CHST8: variants seen among roughly 807,000 people sequenced by gnomAD.
CHST8 encodes carbohydrate sulfotransferase 8, also known as GALNAC-4-ST1.
CHST8 carries 10 observed loss-of-function variants against 15.0 expected under a neutral mutation model. The observed-to-expected ratio is 0.67, with a 90% CI of 0.41 to 1.13. CHST8 has a LOEUF of 1.13. CHST8 is among the 50% of genes most tolerant of loss of function. The probability of loss-of-function intolerance (pLI) is 0.00; values close to 1 mark genes in which losing one functional copy is unlikely to be tolerated. For synonymous variants in CHST8, 259 were observed against 256.6 expected, an observed-to-expected ratio of 1.01 and a Z score of -0.09; for missense variants, 634 against 608.2, an observed-to-expected ratio of 1.04 and a Z score of -0.45.
At position 33,689,286 on chromosome 19, in the gene CHST8, C is replaced by T. The variant is rs750916127; in HGVS notation, c.25C>T (p.Arg9Trp). Residue 9 changes from arginine (R) to tryptophan (W), a missense_variant, in exon 3 of 5, where the codon CGG becomes TGG. By Grantham distance (101) the Arg-to-Trp change is moderately radical. Transcript: ENST00000650847. ...GATGACCCTGCGACCTGGAACAATG[C>T]GGCTGGCCTGCATGTTCTCTTCCAT... is the stretch of plus-strand genomic sequence containing the variant. MTLRPGTM[R>W]LACMFSSILL... is the part of the protein sequence containing the mutation. The T allele has an allele frequency of 8.7e-6, 14 of 1,604,340 alleles. No individual in the cohort carries two copies. The East Asian group carries it at 9.1e-5, about 10-fold the overall frequency.
At chr19:33,624,653 C>G (rs888791562) in intron 1 of CHST8, among the ~76,000 whole-genome samples, 1 of 152,308 alleles carries the variant, frequency 6.6e-6, no homozygotes, top group Admixed American at 6.5e-5. Context: ...CTTCAGTTCT[C>G]TTAAAAAGGG....
At chr19:33,636,754 A>T (rs1972209467) in intron 1 of CHST8, among the ~76,000 whole-genome samples, 1 of 152,136 alleles carries the variant, frequency 6.6e-6, no homozygotes, top group Non-Finnish European at 1.5e-5. Flanking sequence ...TACAAAAATT[A>T]GCCGGGCATG....
rs188902702 is a variant in CHST8, at chr19:33,643,527, G to A, written c.-164+21231G>A. ...TATTTCTAAATAACACACATATGCC[G>A]CAGGTGCGAAATGGCCAGCCAGTTG... On this transcript the variant is annotated intron_variant, in intron 1 of 4. Coordinates refer to ENST00000650847, the MANE Select transcript of CHST8 (RefSeq NM_001127895.2). 2.4e-4 allele frequency among the ~76,000 whole-genome samples: 36 copies of A among 152,272 alleles called. 1 individual carries two copies. Among genetic ancestry groups the A allele is most frequent in the African/African-American group, 8.4e-4 (35 of 41,548 alleles).
chr19:33,733,964 G>A (rs17227680), intron 3 of CHST8, among the ~76,000 whole-genome samples: 7,807 of 152,266 alleles, frequency 0.051, 290 homozygotes, highest in Non-Finnish European at 0.076. Context: ...AGCAGACAGC[G>A]GTGTCAGAGG....
At chr19:33,652,468 T>G (rs919658798) in intron 1 of CHST8, among the ~76,000 whole-genome samples, 1 of 148,824 alleles carries the variant, frequency 6.7e-6, no homozygotes, top group African/African-American at 2.5e-5. Flanking sequence ...CTCTGCCTCC[T>G]GGGTTCAAGC....
chr19:33,655,656 T>C (rs983678715), intron 1 of CHST8, among the ~76,000 whole-genome samples: 1 of 152,224 alleles, frequency 6.6e-6, no homozygotes, highest in African/African-American at 2.4e-5. Context: ...TAGACTATCA[T>C]ACATTTAATC....
At chr19:33,641,243 G>T (rs1972280067) in intron 1 of CHST8, among the ~76,000 whole-genome samples, 1 of 152,156 alleles carries the variant, frequency 6.6e-6, no homozygotes, top group Admixed American at 6.5e-5. Context: ...GGCTCTTAGG[G>T]ACTTACCTGT....
chr19:33,626,241 C>G (rs564212008), intron 1 of CHST8, among the ~76,000 whole-genome samples: 4 of 152,190 alleles, frequency 2.6e-5, no homozygotes, highest in African/African-American at 9.6e-5. Context: ...TTACCCTGTA[C>G]AAAACTACCT....
chr19:33,700,887 CA>C (rs2145277288), intron 3 of CHST8, among the ~76,000 whole-genome samples: 1 of 152,272 alleles, frequency 6.6e-6, no homozygotes, highest in East Asian at 1.9e-4. Context: ...TGGAGTTGTG[CA>C]AAGACCAGTA....
intron 2 of CHST8, among the ~76,000 whole-genome samples, chr19:33,672,546 A>G (rs1455325353): frequency 6.6e-6 from 1 of 152,148 alleles, no homozygotes; most frequent in African/African-American, 2.4e-5. Context: ...CATGTCAGCG[A>G]CGGAAAGTGC....
rs766372648 is a variant in CHST8 at position 33,771,996 on chromosome 19, G to A, written c.208G>A (p.Glu70Lys). 1 of 1,588,648 alleles carries A rather than the reference G, an allele frequency of 6.3e-7. No individual in the cohort carries two copies. Among genetic ancestry groups the A allele is most frequent in the Non-Finnish European group, 8.5e-7 (1 of 1,170,746 alleles). ...CGGCTCCCAGGATGGTGACTTGAAGGAACCCACAGAGAGGGTCACTCGGGA... is the reference window on the plus strand; with the variant it reads ...CGGCTCCCAGGATGGTGACTTGAAGAAACCCACAGAGAGGGTCACTCGGGA... ...PGGSQDGDLK[E>K]PTERVTRDLS... is the part of the protein sequence containing the mutation. The change falls in exon 5 of 5, where the codon GAA becomes AAA. Residue 70 changes from glutamate (E) to lysine (K), a missense_variant. By Grantham distance (56) the Glu-to-Lys change is moderately conservative. Transcript: ENST00000650847.
chr19:33,725,330 G>A (rs955610949), intron 3 of CHST8, among the ~76,000 whole-genome samples: 1 of 152,108 alleles, frequency 6.6e-6, no homozygotes, highest in Non-Finnish European at 1.5e-5. Flanking sequence ...GCCCCTCCTC[G>A]ACTCATTCTG....
At chr19:33,647,934 GTTT>G (rs1972374990) in intron 1 of CHST8, among the ~76,000 whole-genome samples, 1 of 151,888 alleles carries the variant, frequency 6.6e-6, no homozygotes, top group Non-Finnish European at 1.5e-5. Context: ...TGTTTTGGGG[GTTT>G]TTATTTTTTT....
At chr19:33,663,662 G>A (rs1010624212) in intron 1 of CHST8, among the ~76,000 whole-genome samples, 3 of 152,160 alleles carry the variant, frequency 2.0e-5, no homozygotes, top group Non-Finnish European at 2.9e-5. Flanking sequence ...CTTGAGGCCA[G>A]GAGTTCGAGA....
chr19:33,765,923 C>T (rs1411125331), intron 3 of CHST8, among the ~76,000 whole-genome samples: 1 of 152,094 alleles, frequency 6.6e-6, no homozygotes, highest in Non-Finnish European at 1.5e-5. Context: ...AGGAAATGAC[C>T]TTCCACAATG....
At chr19:33,703,315 C>A (rs1303955512) in intron 3 of CHST8, among the ~76,000 whole-genome samples, 1 of 152,198 alleles carries the variant, frequency 6.6e-6, no homozygotes, top group Admixed American at 6.5e-5. Flanking sequence ...CACCGTGTGC[C>A]AACCCTCCTG....
chr19:33,712,581 G>C (rs1257901305), intron 3 of CHST8, among the ~76,000 whole-genome samples: 1 of 152,170 alleles, frequency 6.6e-6, no homozygotes, highest in Non-Finnish European at 1.5e-5. Context: ...AGCGAACAGT[G>C]GGGAGAGGAA....
At chr19:33,770,446 C>T (rs773118781) in intron 3 of CHST8, among the ~76,000 whole-genome samples, 2 of 152,204 alleles carry the variant, frequency 1.3e-5, no homozygotes, top group Admixed American at 6.5e-5. Context: ...CCTGATTCCT[C>T]GGTGGCCAGG....
chr19:33,693,337 T>C (rs921515844), intron 3 of CHST8, among the ~76,000 whole-genome samples: 1 of 152,200 alleles, frequency 6.6e-6, no homozygotes, highest in Non-Finnish European at 1.5e-5. Context: ...TATTTCTCAG[T>C]TTAAAAGATA....
Sources: gnomAD v4.1 joint callset for allele counts (sites outside exome capture counted in the v4.1 genomes callset) on GRCh38, gnomAD v4.1.1 for gene constraint, MANE v1.5 for transcripts, NCBI Gene and HGNC (gene_info 2026-07-23, HGNC 2026-07-21) for gene names.